UNC5C: variants seen among roughly 807,000 people sequenced by gnomAD.
UNC5C encodes unc-5 netrin receptor C, also known as netrin receptor UNC5C.
In UNC5C, 47 loss-of-function variants were observed where a neutral mutation model predicts 99.8. The observed-to-expected ratio is 0.47, with a 90% CI of 0.37 to 0.60. The LOEUF is 0.60. Among genes scored for constraint, UNC5C ranks in the 20% least tolerant of loss-of-function variants. UNC5C has a pLI of 0.00. For synonymous variants in UNC5C, 487 were observed against 452.2 expected (o/e 1.08, Z -0.98); for missense variants, 1,062 against 1,165.9 (o/e 0.91, Z 1.30).
chr4:95,332,848 C>T (rs995276912), intron 2 of UNC5C, among the ~76,000 whole-genome samples: 6 of 151,974 alleles, frequency 3.9e-5, no homozygotes, highest in African/African-American at 1.4e-4. Context: ...TATCCAGAAT[C>T]TCAATGAACT....
At chr4:95,169,859 A>G (rs555286454) in intron 15 of UNC5C, among the ~76,000 whole-genome samples, 1 of 152,310 alleles carries the variant, frequency 6.6e-6, no homozygotes, top group East Asian at 1.9e-4. Flanking sequence ...AGGAGGAGCA[A>G]TAACTACGGT....
At chr4:95,392,444 T>TAAAAA (rs1169560884) in intron 1 of UNC5C, among the ~76,000 whole-genome samples, 198 of 147,392 alleles carry the variant, frequency 1.3e-3, no homozygotes, top group East Asian at 7.9e-3. Flanking sequence ...TTTTTTTTTT[T>TAAAAA]AAAAAAAAAA....
chr4:95,341,462 A>G (rs1158238809), intron 1 of UNC5C, among the ~76,000 whole-genome samples: 3 of 150,284 alleles, frequency 2.0e-5, no homozygotes, highest in Non-Finnish European at 4.4e-5. Context: ...TAAGAAAGAG[A>G]GAAAGAAAGA....
chr4:95,271,477 C>A (rs1030506396), intron 4 of UNC5C, among the ~76,000 whole-genome samples: 2 of 152,106 alleles, frequency 1.3e-5, no homozygotes, highest in Admixed American at 1.3e-4. Flanking sequence ...GATCCGCCCG[C>A]CTCGGCCTAC....
chr4:95,333,032 C>T (rs532307477), intron 2 of UNC5C, among the ~76,000 whole-genome samples: 1 of 152,316 alleles, frequency 6.6e-6, no homozygotes, highest in Non-Finnish European at 1.5e-5. Flanking sequence ...TACCATCCCA[C>T]ACCAGTTAGA....
chr4:95,270,742 G>A (rs993472435), intron 4 of UNC5C, among the ~76,000 whole-genome samples: 1 of 152,116 alleles, frequency 6.6e-6, no homozygotes, highest in Non-Finnish European at 1.5e-5. Flanking sequence ...AAAACCTAAA[G>A]TAAAATGACT....
chr4:95,189,385 A>G (rs572628834), intron 12 of UNC5C, among the ~76,000 whole-genome samples: 3 of 152,212 alleles, frequency 2.0e-5, no homozygotes, highest in Non-Finnish European at 4.4e-5. Flanking sequence ...CTCTGTGCTC[A>G]GGCAGTCCTC....
At chr4:95,393,811 A>G (rs76275329) in intron 1 of UNC5C, among the ~76,000 whole-genome samples, 26 of 152,036 alleles carry the variant, frequency 1.7e-4, no homozygotes, top group African/African-American at 6.0e-4. Flanking sequence ...CTTTCTTTAG[A>G]AATATAGAAT....
intron 4 of UNC5C, among the ~76,000 whole-genome samples, chr4:95,262,073 T>C (rs527343688): frequency 6.1e-4 from 93 of 152,306 alleles, no homozygotes; most frequent in African/African-American, 2.2e-3. Flanking sequence ...ATCTTTTGCA[T>C]GAAAATCTTG....
At chr4:95,346,788 A>C (rs1743789059) in intron 1 of UNC5C, among the ~76,000 whole-genome samples, 1 of 151,968 alleles carries the variant, frequency 6.6e-6, no homozygotes, top group Non-Finnish European at 1.5e-5. Context: ...AGTAATATAC[A>C]ACAAACCCAC....
intron 1 of UNC5C, among the ~76,000 whole-genome samples, chr4:95,380,082 C>T (rs1277947735): frequency 1.3e-5 from 2 of 152,056 alleles, no homozygotes; most frequent in Non-Finnish European, 2.9e-5. Context: ...CTCTTTGGTC[C>T]CTACTTTATT....
chr4:95,352,629 C>T (rs747713365), intron 1 of UNC5C, among the ~76,000 whole-genome samples: 25 of 152,122 alleles, frequency 1.6e-4, no homozygotes, highest in Non-Finnish European at 3.4e-4. Flanking sequence ...AAACTACCTT[C>T]CCCTGTTGAC....
intron 1 of UNC5C, among the ~76,000 whole-genome samples, chr4:95,386,861 CT>C (rs1034102686): frequency 2.4e-4 from 37 of 152,064 alleles, no homozygotes; most frequent in African/African-American, 8.9e-4. Context: ...CCATGAAGAT[CT>C]TTTTGTGGTC....
chr4:95,363,713 TGA>T (rs974611971), intron 1 of UNC5C, among the ~76,000 whole-genome samples: 16 of 152,246 alleles, frequency 1.1e-4, no homozygotes, highest in African/African-American at 3.6e-4. Context: ...AAAAAACCTC[TGA>T]GAGTTTCATG....
At chr4:95,544,178 T>A (rs1174395276) in intron 1 of UNC5C, among the ~76,000 whole-genome samples, 1 of 152,132 alleles carries the variant, frequency 6.6e-6, no homozygotes, top group Admixed American at 6.6e-5. Context: ...CACGGAAACG[T>A]TAAATGTCTT....
At chr4:95,229,763 A>G (rs1471954176) in intron 7 of UNC5C, among the ~76,000 whole-genome samples, 1 of 88,708 alleles carries the variant, frequency 1.1e-5, no homozygotes, top group Non-Finnish European at 2.3e-5. Context: ...AAGCATTCCT[A>G]TTTCTCCATA....
intron 14 of UNC5C, among the ~76,000 whole-genome samples, chr4:95,172,556 G>A (rs1290055620): frequency 2.6e-5 from 4 of 151,846 alleles, no homozygotes; most frequent in African/African-American, 9.7e-5. Flanking sequence ...TTGTAGATAT[G>A]CGGCGTTATT....
intron 7 of UNC5C, among the ~76,000 whole-genome samples, chr4:95,228,413 C>T (rs892500658): frequency 9.2e-5 from 14 of 152,182 alleles, no homozygotes; most frequent in Admixed American, 2.6e-4. Context: ...AATGTCATAA[C>T]TTCTGAACAT....
chr4:95,511,452 T>C (rs1722068987), intron 1 of UNC5C, among the ~76,000 whole-genome samples: 1 of 152,126 alleles, frequency 6.6e-6, no homozygotes, highest in Non-Finnish European at 1.5e-5. Flanking sequence ...CACATGCCAT[T>C]AGTATTAAAA....
Sources: allele counts gnomAD v4.1 joint callset (sites outside exome capture counted in the v4.1 genomes callset), GRCh38; gene constraint gnomAD v4.1.1; transcripts MANE v1.5; gene names NCBI Gene and HGNC (gene_info 2026-07-23, HGNC 2026-07-21).